Variants in PIP4K2A observed in about 807,000 individuals in gnomAD.
PIP4K2A encodes phosphatidylinositol-5-phosphate 4-kinase type 2 alpha.
Under a neutral mutation model 42.9 loss-of-function variants are expected in PIP4K2A, and 14 were observed. The observed-to-expected ratio is 0.33, with a 90% CI of 0.22 to 0.51. The LOEUF (loss-of-function observed/expected upper bound fraction) is 0.51, where lower values mean the gene tolerates loss of function less well. Among genes scored for constraint, PIP4K2A ranks in the 20% least tolerant of loss-of-function variants. The pLI is 0.97. For synonymous variants in PIP4K2A, 192 were observed against 192.2 expected (o/e 1.00, Z 0.01); for missense variants, 434 against 519.8 (o/e 0.83, Z 1.61).
intron 1 of PIP4K2A, among the ~76,000 whole-genome samples, chr10:22,682,902 C>A (rs1306966251): frequency 2.0e-5 from 3 of 152,174 alleles, no homozygotes; most frequent in Non-Finnish European, 4.4e-5. Flanking sequence ...TCATTTGCGT[C>A]TGAAAATCCT....
chr10:22,597,176 G>A (rs1216566941), intron 3 of PIP4K2A, among the ~76,000 whole-genome samples: 4 of 152,192 alleles, frequency 2.6e-5, no homozygotes, highest in Non-Finnish European at 5.9e-5. Flanking sequence ...AACTGAGTAG[G>A]AAGAGTAGGA....
chr10:22,664,150 T>TAC (rs1273354267), intron 1 of PIP4K2A, among the ~76,000 whole-genome samples: 913 of 21,702 alleles, frequency 0.042, 107 homozygotes, highest in African/African-American at 0.22. Flanking sequence ...TACATATATA[T>TAC]ACACATATAT....
intron 1 of PIP4K2A, among the ~76,000 whole-genome samples, chr10:22,614,452 G>C (rs1010650337): frequency 2.0e-5 from 3 of 152,100 alleles, no homozygotes; most frequent in Non-Finnish European, 4.4e-5. Flanking sequence ...CTTTCTTCCA[G>C]GTGGCCTTTC....
chr10:22,672,840 G>A (rs1778305), intron 1 of PIP4K2A, among the ~76,000 whole-genome samples: 7,257 of 152,214 alleles, frequency 0.048, 196 homozygotes, highest in African/African-American at 0.075. Context: ...AGCCCTCAAC[G>A]TCCTAAAAAG....
intron 1 of PIP4K2A, among the ~76,000 whole-genome samples, chr10:22,666,659 G>A (rs192734490): frequency 4.7e-4 from 71 of 152,070 alleles, no homozygotes; most frequent in African/African-American, 1.5e-3. Flanking sequence ...CCCCAACTGC[G>A]GTTCTTCTTA....
intron 6 of PIP4K2A, among the ~76,000 whole-genome samples, chr10:22,557,902 A>G (rs778240841): frequency 2.6e-5 from 4 of 152,238 alleles, no homozygotes; most frequent in Non-Finnish European, 5.9e-5. Flanking sequence ...ACTGGGAAGA[A>G]GAAATGCACC....
intron 1 of PIP4K2A, among the ~76,000 whole-genome samples, chr10:22,645,090 T>C (rs1034206691): frequency 7.2e-5 from 11 of 152,228 alleles, no homozygotes; most frequent in Admixed American, 1.3e-4. Flanking sequence ...TTGGTCAGAA[T>C]TGACTTTTAA....
At chr10:22,588,290 T>A (rs566008766) in intron 4 of PIP4K2A, among the ~76,000 whole-genome samples, 1 of 151,958 alleles carries the variant, frequency 6.6e-6, no homozygotes, top group East Asian at 1.9e-4. Flanking sequence ...CGGACAATTT[T>A]TTTTTAAGTT....
At chr10:22,641,633 G>T (rs1444999778) in intron 1 of PIP4K2A, among the ~76,000 whole-genome samples, 1 of 151,456 alleles carries the variant, frequency 6.6e-6, no homozygotes, top group Non-Finnish European at 1.5e-5. Context: ...AAAAAATTTT[G>T]TAGAGATGGG....
chr10:22,623,788 G>A (rs959407909), intron 1 of PIP4K2A, among the ~76,000 whole-genome samples: 1 of 152,196 alleles, frequency 6.6e-6, no homozygotes, highest in Non-Finnish European at 1.5e-5. Context: ...ATGGGCTGAA[G>A]CTAATGTTAA....
At chr10:22,707,666 G>T (rs911599706) in intron 1 of PIP4K2A, among the ~76,000 whole-genome samples, 6 of 152,162 alleles carry the variant, frequency 3.9e-5, no homozygotes, top group Non-Finnish European at 8.8e-5. Flanking sequence ...GTACCGTTGT[G>T]AATCCCAAGT....
rs1188396077 is a variant in PIP4K2A at position 22,601,130 on chromosome 10, C to CAAA, written c.339+6794_339+6796dup. 2.9e-3 allele frequency among the ~76,000 whole-genome samples: 92 copies of CAAA among 31,906 alleles called. 14 individuals carry two copies. Among genetic ancestry groups the CAAA allele is most frequent in the South Asian group, 9.8e-3 (4 of 410 alleles). 20.9% of individuals were successfully genotyped at this position (31,906 alleles called of 152,430 possible). A position where few individuals can be genotyped will look rare whatever the true frequency, so the allele number is the denominator to read the frequency against. On this transcript the variant is annotated intron_variant, in intron 3 of 9. Coordinates refer to ENST00000376573, the MANE Select transcript of PIP4K2A (RefSeq NM_005028.5). The stretch of plus-strand genomic sequence containing the variant: ...CCTGGGCAACAGAGCGAGACTGTCT[C>CAAA]AAAAAAAAAAAAAAAAAAAAAAAAA...
rs754845331 is a variant in PIP4K2A, at chr10:22,541,907, T to C, written c.933A>G (p.Gly311=). ...EGESDGTHPV[G]TPPDSPGNTL... ...TATTCCCGGGGCTATCTGGGGGGGT[T>C]CCCACCGGGTGGGTGCCATCGCTCT... is the stretch of plus-strand genomic sequence containing the variant. Residue 311 remains glycine, a synonymous_variant, in exon 8 of 10, where the codon GGA becomes GGG. Coordinates refer to ENST00000376573, the MANE Select transcript of PIP4K2A (RefSeq NM_005028.5). 3.7e-6 allele frequency: 6 copies of C among 1,613,826 alleles called. No individual in the cohort carries two copies. The highest frequency in any genetic ancestry group is 3.4e-6 in the Non-Finnish European group (4 of 1,179,926).
chr10:22,685,227 G>C (rs6482227), intron 1 of PIP4K2A, among the ~76,000 whole-genome samples: 28,702 of 152,050 alleles, frequency 0.19, 3,142 homozygotes, highest in African/African-American at 0.29. Flanking sequence ...AGGAGTTTAA[G>C]AGTCCCAGTG....
At chr10:22,708,850 A>G (rs1005887535) in intron 1 of PIP4K2A, among the ~76,000 whole-genome samples, 13 of 152,114 alleles carry the variant, frequency 8.5e-5, no homozygotes, top group Non-Finnish European at 1.5e-4. Flanking sequence ...CTGTACAACC[A>G]TGGCTCCCTG....
chr10:22,549,988 GA>G (rs1178844962), intron 7 of PIP4K2A, among the ~76,000 whole-genome samples: 7 of 151,766 alleles, frequency 4.6e-5, no homozygotes, highest in African/African-American at 1.7e-4. Context: ...TAAATGACAG[GA>G]AAAGGTACAT....
intron 3 of PIP4K2A, among the ~76,000 whole-genome samples, chr10:22,596,205 C>CAAAAAAAAAAAAAAAAAAAAAAAA (rs10681238): frequency 8.6e-5 from 6 of 69,660 alleles, no homozygotes; most frequent in African/African-American, 3.8e-4. Context: ...AACTCCGTCT[C>CAAAAAAAAAAAAAAAAAAAAAAAA]AAAAAAAAAA....
chr10:22,541,270 T>C (rs557348897), intron 8 of PIP4K2A, among the ~76,000 whole-genome samples: 1 of 152,300 alleles, frequency 6.6e-6, no homozygotes, highest in East Asian at 1.9e-4. Flanking sequence ...AGGGCCCATC[T>C]TCACACACCC....
intron 4 of PIP4K2A, among the ~76,000 whole-genome samples, chr10:22,584,955 C>T (rs566913399): frequency 6.6e-6 from 1 of 152,166 alleles, no homozygotes; most frequent in Non-Finnish European, 1.5e-5. Flanking sequence ...TGCCCTGTCA[C>T]TCACCGGGGG....
Sources: allele counts gnomAD v4.1 joint callset (sites outside exome capture counted in the v4.1 genomes callset), GRCh38; gene constraint gnomAD v4.1.1; transcripts MANE v1.5; gene names NCBI Gene and HGNC (gene_info 2026-07-23, HGNC 2026-07-21).